TNFRSF10A: variants seen among roughly 807,000 people sequenced by gnomAD.
TNFRSF10A encodes the protein tumor necrosis factor receptor superfamily member 10A.
In TNFRSF10A, 44 loss-of-function variants were observed where a neutral mutation model predicts 42.8. That is an observed-to-expected ratio of 1.03 (90% CI 0.81 to 1.32). TNFRSF10A has a LOEUF of 1.32. Ranked by LOEUF, TNFRSF10A falls within the 40% of genes most tolerant of loss-of-function variation. The pLI is 0.00. For missense variants in TNFRSF10A, 680 were observed against 602.0 expected (o/e 1.13, Z -1.36); for synonymous variants, 259 against 234.2 (o/e 1.11, Z -0.97).
chr8:23,209,648 T>C (rs1017138416), intron 2 of TNFRSF10A, among the ~76,000 whole-genome samples: 3 of 152,240 alleles, frequency 2.0e-5, no homozygotes, highest in Admixed American at 2.0e-4. Context: ...ATGGGGCCTG[T>C]AGCCCTTTGT....
At chr8:23,214,354 G>A (rs1176469194) in intron 1 of TNFRSF10A, among the ~76,000 whole-genome samples, 1 of 151,958 alleles carries the variant, frequency 6.6e-6, no homozygotes, top group East Asian at 1.9e-4. Flanking sequence ...CGGGCGTGGT[G>A]GCGGGTGCCT....
intron 1 of TNFRSF10A, among the ~76,000 whole-genome samples, chr8:23,218,009 C>T (rs576674334): frequency 1.6e-4 from 25 of 152,202 alleles, no homozygotes; most frequent in African/African-American, 5.8e-4. Flanking sequence ...TCAAGGCAGT[C>T]GGGGAGGGCA....
intron 9 of TNFRSF10A, among the ~76,000 whole-genome samples, chr8:23,195,977 G>A (rs1193277027): frequency 3.3e-5 from 5 of 151,998 alleles, no homozygotes; most frequent in Admixed American, 3.3e-4. Context: ...TGTTGTTGTT[G>A]TTGTTTTGAT....
intron 1 of TNFRSF10A, chr8:23,224,399 G>A (rs1391977628): frequency 4.2e-6 from 1 of 236,640 alleles, no homozygotes; most frequent in African/African-American, 2.3e-5. Context: ...CACGCAGCTG[G>A]TGTGGCTGGG....
intron 3 of TNFRSF10A, 131 bp downstream of exon 3, chr8:23,202,517 C>G (rs1800946123): frequency 1.5e-6 from 1 of 683,402 alleles, no homozygotes; most frequent in South Asian, 1.7e-5. Flanking sequence ...GGACCTAAGA[C>G]ATAACCATGG....
chr8:23,199,217 C>A lies in TNFRSF10A; in HGVS notation c.1014+49G>T. 7 of 1,580,914 alleles carry A rather than the reference C, an allele frequency of 4.4e-6. No individual in the cohort carries two copies. The South Asian group carries it at 6.7e-5, about 15-fold the overall frequency. On this transcript the variant is annotated intron_variant, in intron 8 of 9. Transcript: ENST00000221132. ...TTTGACCAGGAGAGCCGAGGCATGG[C>A]CTTCACCCCCTGCCTACAAGGTCTT...
intron 1 of TNFRSF10A, among the ~76,000 whole-genome samples, chr8:23,221,149 G>T (rs1801250624): frequency 6.6e-6 from 1 of 152,208 alleles, no homozygotes; most frequent in Non-Finnish European, 1.5e-5. Flanking sequence ...CTGGGTAGAG[G>T]ACAGGTGCTC....
chr8:23,217,926 C>T (rs1801207025), intron 1 of TNFRSF10A, among the ~76,000 whole-genome samples: 1 of 152,168 alleles, frequency 6.6e-6, no homozygotes, highest in South Asian at 2.1e-4. Flanking sequence ...GGCAGGGACA[C>T]CGGTAGACAT....
At chr8:23,223,814 C>T (rs1438358169) in intron 1 of TNFRSF10A, among the ~76,000 whole-genome samples, 4 of 152,192 alleles carry the variant, frequency 2.6e-5, no homozygotes, top group African/African-American at 9.7e-5. Flanking sequence ...ATTGCTTTCA[C>T]AGGAAACGCT....
intron 1 of TNFRSF10A, among the ~76,000 whole-genome samples, chr8:23,215,784 T>C (rs1801170084): frequency 6.6e-6 from 1 of 152,046 alleles, no homozygotes; most frequent in African/African-American, 2.4e-5. Context: ...TTTCATGCTG[T>C]TGTTCTTTTT....
intron 8 of TNFRSF10A, among the ~76,000 whole-genome samples, chr8:23,197,609 T>A (rs983463922): frequency 1.3e-5 from 2 of 152,186 alleles, no homozygotes; most frequent in African/African-American, 4.8e-5. Flanking sequence ...ATAAGTTGTA[T>A]AATTATTTCA....
At chr8:23,193,517 C>T (rs985253160) in intron 9 of TNFRSF10A, among the ~76,000 whole-genome samples, 1 of 152,200 alleles carries the variant, frequency 6.6e-6, no homozygotes, top group African/African-American at 2.4e-5. Context: ...GCCCAAGTGA[C>T]TGTGAGAGGG....
intron 2 of TNFRSF10A, among the ~76,000 whole-genome samples, chr8:23,208,576 CT>C (rs1457011160): frequency 1.3e-5 from 2 of 152,172 alleles, no homozygotes; most frequent in Non-Finnish European, 2.9e-5. Flanking sequence ...CTGCCTCAGC[CT>C]CCTGAGTAGC....
In TNFRSF10A at chr8:23,225,043, T is replaced by C. The variant is rs1184948098; in HGVS notation, c.19A>G (p.Arg7Gly). The change falls in exon 1 of 10, where the codon AGA becomes GGA. Residue 7 changes from arginine (R) to glycine (G), a missense_variant. Transcript: ENST00000221132. ...GCCAGGAACGCACCTAGATGTACTC[T>C]AGCTGGTGGTGGCGCCATCCTGCCA... MAPPPARVHLGAFLAVT... is the reference protein window; with the variant it reads MAPPPAGVHLGAFLAVT... 5 of 1,536,058 alleles carry C rather than the reference T, an allele frequency of 3.3e-6. No homozygotes were observed. The highest frequency in any genetic ancestry group is 1.2e-5 in the South Asian group (1 of 82,012).
chr8:23,219,748 C>T (rs761092423), intron 1 of TNFRSF10A, among the ~76,000 whole-genome samples: 18 of 152,202 alleles, frequency 1.2e-4, no homozygotes, highest in Non-Finnish European at 2.2e-4. Flanking sequence ...GGACTGTCCC[C>T]GCTCCCTCCA....
chr8:23,207,219 C>G (rs1280182683), intron 2 of TNFRSF10A: 1 of 598,046 alleles, frequency 1.7e-6, no homozygotes, highest in Admixed American at 1.9e-5. Context: ...CAACAAGCAC[C>G]AGATCAAACA....
At chr8:23,213,404 A>G (rs958279988) in intron 1 of TNFRSF10A, among the ~76,000 whole-genome samples, 1 of 94,088 alleles carries the variant, frequency 1.1e-5, no homozygotes, top group African/African-American at 4.8e-5. Context: ...TCTCTGATCT[A>G]TTTTTTGCTG....
chr8:23,205,426 T>C (rs148151160), intron 2 of TNFRSF10A, among the ~76,000 whole-genome samples: 22 of 152,320 alleles, frequency 1.4e-4, no homozygotes, highest in South Asian at 6.2e-4. Context: ...GTTCTATATA[T>C]AATATTTGAT....
chr8:23,190,633 G>C lies in TNFRSF10A; in HGVS notation c.*1061C>G, dbSNP rs1000127404. 1.3e-5 allele frequency: 2 copies of C among 152,146 alleles called. No individual in the cohort carries two copies. Among genetic ancestry groups the C allele is most frequent in the Non-Finnish European group, 2.9e-5 (2 of 68,032 alleles). The allele number at this position is 152,146 out of a possible 1,614,324, so 9.4% of individuals were successfully genotyped here. ...TTAAATAATTAATAAATTAACCTTA[G>C]CTTACTGGACGGCCACCATCTTATA... On this transcript the variant is annotated 3_prime_UTR_variant, in exon 10 of 10. Transcript: ENST00000221132.
Sources: gnomAD v4.1 joint callset for allele counts (sites outside exome capture counted in the v4.1 genomes callset) on GRCh38, gnomAD v4.1.1 for gene constraint, MANE v1.5 for transcripts, NCBI Gene and HGNC (gene_info 2026-07-23, HGNC 2026-07-21) for gene names.